The following SLC38A8 variants were observed in gnomAD, a reference collection of about 807,000 sequenced individuals.
SLC38A8 encodes amino acid transporter SLC38A8.
In SLC38A8, 65 loss-of-function variants were observed where a neutral mutation model predicts 46.0. The ratio of observed to expected loss-of-function variants is 1.41; its 90% CI spans 1.16 to 1.74. The LOEUF (loss-of-function observed/expected upper bound fraction) is 1.74. Ranked by LOEUF, SLC38A8 falls within the 40% of genes most tolerant of loss-of-function variation. The pLI is 0.00. For missense variants in SLC38A8, 998 were observed against 567.9 expected (o/e 1.76, Z -7.70); for synonymous variants, 447 against 243.7 (o/e 1.83, Z -7.77).
intron 9 of SLC38A8, among the ~76,000 whole-genome samples, chr16:84,013,434 T>TGTTG (rs1369192369): frequency 0.022 from 2,780 of 127,004 alleles, 123 homozygotes; most frequent in African/African-American, 0.073. Flanking sequence ...GTTTTTTTTT[T>TGTTG]TTTTTTTTTT....
In SLC38A8 at chr16:84,036,784, C is replaced by A. The variant is rs761175788; in HGVS notation, c.306G>T (p.Lys102Asn). ...TGAGGAGGAAGCAGGCCTCACACAG[C>A]TTCCCAATGGCAGGGCCACACAGCC... ...VRGLCGPAIG[K>N]LCEACFLLNL... Residue 102 changes from lysine (K) to asparagine (N), a missense_variant, in exon 3 of 11, where the codon AAG becomes AAT. Physicochemically the swap from Lys to Asn is moderately conservative, Grantham distance 94. Transcript: ENST00000299709. 1 of 1,614,204 alleles carries A rather than the reference C, an allele frequency of 6.2e-7. No individual in the cohort carries two copies. Among genetic ancestry groups the A allele is most frequent in the Non-Finnish European group, 8.5e-7 (1 of 1,180,042 alleles).
chr16:84,023,021 T>G, intron 6 of SLC38A8, 132 bp from the exon 7 acceptor site: 1 of 624,166 alleles, frequency 1.6e-6, no homozygotes, highest in African/African-American at 1.9e-5. Flanking sequence ...TGATCAATCC[T>G]TTATTCTTTA....
rs547226643 is a variant in SLC38A8 at position 84,039,296 on chromosome 16, G to A, written c.190-2396C>T. Among the ~76,000 whole-genome samples, 4 of 152,288 alleles carry A rather than the reference G, an allele frequency of 2.6e-5. No homozygotes were observed. The South Asian group carries it at 8.3e-4, about 32-fold the overall frequency. ...TGGTAATATGTTATAGCAGCCCTAG[G>A]AAACAGACACATGCAATTGTAAAAT... On this transcript the variant is annotated intron_variant, in intron 2 of 10. Transcript: ENST00000299709.
At chr16:84,016,845 C>G (rs1041610811) in intron 8 of SLC38A8, 118 bp from the exon 9 acceptor site, 11 of 1,200,174 alleles carry the variant, frequency 9.2e-6, no homozygotes, top group Non-Finnish European at 1.0e-5. Flanking sequence ...CTGTTCCACA[C>G]TCAGGTGTTT....
At chr16:84,033,125 G>A (rs533264519) in intron 4 of SLC38A8, among the ~76,000 whole-genome samples, 19 of 152,290 alleles carry the variant, frequency 1.2e-4, no homozygotes, top group Admixed American at 1.1e-3. Flanking sequence ...TAGCACTGAC[G>A]TTGTTACAGG....
chr16:84,028,530 C>T (rs891514616), intron 6 of SLC38A8, among the ~76,000 whole-genome samples: 3 of 150,958 alleles, frequency 2.0e-5, no homozygotes, highest in African/African-American at 7.3e-5. Flanking sequence ...CCACTACACT[C>T]CAGCCTGGGC....
rs1244136039 is a variant in SLC38A8 at position 84,017,246 on chromosome 16, C to G, written c.847G>C (p.Asp283His). ...TTGCCTGGGTAGGACATCAAGACGT[C>G]AGCAGAAACTTCTGTCCCAAAAGTC... is the stretch of plus-strand genomic sequence containing the variant. ...FLTFGTEVSA[D>H]VLMSYPGNDM... Residue 283 changes from aspartate to histidine, a missense_variant, in exon 8 of 11, where the codon GAC becomes CAC. Transcript: ENST00000299709. 5.6e-6 allele frequency: 9 copies of G among 1,614,100 alleles called. No homozygotes were observed. The highest frequency in any genetic ancestry group is 7.6e-6 in the Non-Finnish European group (9 of 1,180,022).
At chr16:84,039,471 A>T (rs534669564) in intron 2 of SLC38A8, among the ~76,000 whole-genome samples, 1 of 152,116 alleles carries the variant, frequency 6.6e-6, no homozygotes, top group Non-Finnish European at 1.5e-5. Context: ...GGGGCCGGGT[A>T]CGGTGGCTCA....
At chr16:84,018,978 C>G (rs1304047857) in intron 7 of SLC38A8, among the ~76,000 whole-genome samples, 2 of 152,140 alleles carry the variant, frequency 1.3e-5, no homozygotes, top group African/African-American at 2.4e-5. Flanking sequence ...TTTTCTCACC[C>G]TGGTATGGGG....
At chr16:84,021,735 A>G (rs973894687) in intron 7 of SLC38A8, among the ~76,000 whole-genome samples, 4 of 152,206 alleles carry the variant, frequency 2.6e-5, no homozygotes, top group African/African-American at 9.6e-5. Context: ...GTCTTAGTCC[A>G]TTTTTTGTTG....
chr16:84,012,978 C>T (rs1466696849), intron 10 of SLC38A8, 23 bp downstream of exon 10: 3 of 1,613,748 alleles, frequency 1.9e-6, no homozygotes, highest in Admixed American at 1.7e-5. Flanking sequence ...CCCAGGGTGC[C>T]ACCTCATCTT....
chr16:84,041,728 C>CT, intron 2 of SLC38A8, among the ~76,000 whole-genome samples: 1 of 152,318 alleles, frequency 6.6e-6, no homozygotes, highest in South Asian at 2.1e-4. Context: ...AGCTGCGATG[C>CT]CTGTAGCTCC....
intron 5 of SLC38A8, 135 bp from the exon 6 acceptor site, chr16:84,029,686 T>C (rs2085214873): frequency 1.0e-5 from 9 of 869,230 alleles, no homozygotes; most frequent in Non-Finnish European, 1.6e-5. Flanking sequence ...TTAATGACTG[T>C]GTCCGTGACC....
intron 9 of SLC38A8, among the ~76,000 whole-genome samples, chr16:84,015,632 A>G (rs578252723): frequency 1.3e-5 from 2 of 152,084 alleles, no homozygotes; most frequent in African/African-American, 4.8e-5. Context: ...AAACGTTCCT[A>G]CGTCAAGAAT....
chr16:84,035,933 G>A (rs1413829991), intron 3 of SLC38A8, among the ~76,000 whole-genome samples: 3 of 152,214 alleles, frequency 2.0e-5, no homozygotes, highest in Non-Finnish European at 4.4e-5. Flanking sequence ...GCTGTTGACT[G>A]CCTTGACCTA....
In SLC38A8 at chr16:84,017,401, G is replaced by C. The variant is rs953284159; in HGVS notation, c.806-114C>G. On this transcript the variant is annotated intron_variant, in intron 7 of 10. Transcript: ENST00000299709. ...CCACCTAAGATTTTCCTTAGGAGCT[G>C]AAAGAAGGTTCTGGAAGGGATAGCC... The C allele has an allele frequency of 3.1e-6, 4 of 1,279,150 alleles. No homozygotes were observed. The African/African-American group carries it at 4.5e-5, about 14-fold the overall frequency. The allele number at this position is 1,279,150 out of a possible 1,614,324, so 79.2% of individuals were successfully genotyped here.
chr16:84,021,632 T>C (rs938071477), intron 7 of SLC38A8, among the ~76,000 whole-genome samples: 4 of 152,214 alleles, frequency 2.6e-5, no homozygotes, highest in Non-Finnish European at 4.4e-5. Flanking sequence ...CTCCTCCGAA[T>C]TCTTCCAGCC....
intron 6 of SLC38A8, 83 bp downstream of exon 6, chr16:84,029,411 G>T: frequency 6.7e-7 from 1 of 1,488,242 alleles, no homozygotes; most frequent in Non-Finnish European, 9.3e-7. Flanking sequence ...CCCTGACAGA[G>T]AAACCAAGGT....
chr16:84,018,401 A>G (rs1480136842), intron 7 of SLC38A8, among the ~76,000 whole-genome samples: 1 of 151,678 alleles, frequency 6.6e-6, no homozygotes, highest in Non-Finnish European at 1.5e-5. Flanking sequence ...TTGAATTTTT[A>G]GTAAAGACAG....
Sources: gnomAD v4.1 joint callset for allele counts (sites outside exome capture counted in the v4.1 genomes callset) on GRCh38, gnomAD v4.1.1 for gene constraint, MANE v1.5 for transcripts, NCBI Gene and HGNC (gene_info 2026-07-23, HGNC 2026-07-21) for gene names.